The following PTPRN2 variants were observed in gnomAD, a reference collection of about 807,000 sequenced individuals.
PTPRN2 encodes protein tyrosine phosphatase receptor type N2.
Under a neutral mutation model 118.8 loss-of-function variants are expected in PTPRN2, and 74 were observed. The observed-to-expected ratio is 0.62, with a 90% CI of 0.52 to 0.76. The LOEUF is 0.76. PTPRN2 is among the 30% of genes least tolerant of loss of function. PTPRN2 has a pLI of 0.00. For synonymous variants in PTPRN2, 641 were observed against 608.0 expected (o/e 1.05, Z -0.80); for missense variants, 1,481 against 1,394.4 (o/e 1.06, Z -0.99).
chr7:158,443,267 G>T (rs1441879109), intron 2 of PTPRN2, among the ~76,000 whole-genome samples: 1 of 152,202 alleles, frequency 6.6e-6, no homozygotes. Flanking sequence ...CGGCTCCAGG[G>T]CAGCGCCAGG....
In PTPRN2 at chr7:158,565,500, G is replaced by T. The variant is rs763110150; in HGVS notation, c.112+22058C>A. Among the ~76,000 whole-genome samples, 4 of 152,136 alleles carry T rather than the reference G, an allele frequency of 2.6e-5. No homozygotes were observed. The highest frequency in any genetic ancestry group is 4.4e-5 in the Non-Finnish European group (3 of 68,018). On this transcript the variant is annotated intron_variant, in intron 1 of 22. Transcript: ENST00000389418. The surrounding 1 kb of genome is among the most constrained non-coding windows in gnomAD (Gnocchi z 4.6). Reference sequence around the variant, plus strand: ...GACGTGTCCCCAAAATAGCAGCTTTGCTCAGAATTCCAAACAGGGCCTCAG... The same window carrying T: ...GACGTGTCCCCAAAATAGCAGCTTTTCTCAGAATTCCAAACAGGGCCTCAG...
chr7:158,269,113 C>T (rs906384122), intron 3 of PTPRN2, among the ~76,000 whole-genome samples: 3 of 152,150 alleles, frequency 2.0e-5, no homozygotes, highest in South Asian at 2.1e-4. Context: ...CCTCAGGAGT[C>T]GCCACTGTTG....
chr7:158,270,761 G>A (rs1159537544), intron 3 of PTPRN2, among the ~76,000 whole-genome samples: 1 of 146,574 alleles, frequency 6.8e-6, no homozygotes, highest in Admixed American at 6.7e-5. Context: ...TCTCCACCTG[G>A]ACCACCCCGT....
chr7:157,685,396 C>T (rs898227641), intron 12 of PTPRN2, among the ~76,000 whole-genome samples: 2 of 151,434 alleles, frequency 1.3e-5, no homozygotes, highest in East Asian at 2.0e-4. Context: ...GAGGGGGCGG[C>T]GGGGCCACGG....
chr7:157,972,950 C>T lies in PTPRN2; in HGVS notation c.1724-74213G>A, dbSNP rs527244392. The stretch of plus-strand genomic sequence containing the variant: ...CAGAGACCACAGGAACTCCACACCA[C>T]GAGAGCAGGCTTCAGAGACCGTAGG... On this transcript the variant is annotated intron_variant, in intron 11 of 22. Transcript: ENST00000389418. Among the ~76,000 whole-genome samples the T allele has an allele frequency of 3.3e-5, 5 of 151,782 alleles. No individual in the cohort carries two copies. The South Asian group carries it at 6.2e-4, about 19-fold the overall frequency.
intron 10 of PTPRN2, among the ~76,000 whole-genome samples, chr7:158,094,636 T>G (rs1814481035): frequency 6.6e-6 from 1 of 152,196 alleles, no homozygotes; most frequent in Non-Finnish European, 1.5e-5. Flanking sequence ...GCAGCTTCGC[T>G]CTCATGATGC....
At chr7:157,835,651 G>A (rs112438757) in intron 12 of PTPRN2, among the ~76,000 whole-genome samples, 2,336 of 152,192 alleles carry the variant, frequency 0.015, 69 homozygotes, top group African/African-American at 0.052. Context: ...GTGCAGGGGC[G>A]AAATTAACAA....
chr7:158,140,783 C>G (rs1359496738), intron 6 of PTPRN2, among the ~76,000 whole-genome samples: 1 of 152,210 alleles, frequency 6.6e-6, no homozygotes, highest in Non-Finnish European at 1.5e-5. Flanking sequence ...CACCTGCGGT[C>G]TGCGCATCTC....
intron 1 of PTPRN2, among the ~76,000 whole-genome samples, chr7:158,492,988 C>A (rs562403799): frequency 6.6e-6 from 1 of 152,366 alleles, no homozygotes; most frequent in South Asian, 2.1e-4. Context: ...GGAAAGCCAA[C>A]AGCGGCCTGT....
intron 12 of PTPRN2, among the ~76,000 whole-genome samples, chr7:157,811,232 C>T (rs1026637260): frequency 6.7e-6 from 1 of 149,440 alleles, no homozygotes; most frequent in African/African-American, 2.5e-5. Flanking sequence ...GATCGCACCA[C>T]TATACCCCAG....
At chr7:157,601,250 T>C (rs1263994969) in intron 16 of PTPRN2, among the ~76,000 whole-genome samples, 1 of 152,208 alleles carries the variant, frequency 6.6e-6, no homozygotes, top group African/African-American at 2.4e-5. Context: ...TTCCCTGAAA[T>C]GTAATGAGGA....
chr7:158,441,195 A>G (rs542668190), intron 2 of PTPRN2, among the ~76,000 whole-genome samples: 3 of 129,586 alleles, frequency 2.3e-5, no homozygotes, highest in African/African-American at 3.1e-5. Context: ...GGTGATAGTG[A>G]TGGTGATGGT....
intron 1 of PTPRN2, among the ~76,000 whole-genome samples, chr7:158,533,364 C>T (rs1825392432): frequency 6.6e-6 from 1 of 152,242 alleles, no homozygotes; most frequent in African/African-American, 2.4e-5. Context: ...GAGCAAGAAG[C>T]TCAGAAATGG....
intron 11 of PTPRN2, among the ~76,000 whole-genome samples, chr7:157,912,855 G>T (rs559514566): frequency 6.6e-6 from 1 of 152,204 alleles, no homozygotes; most frequent in South Asian, 2.1e-4. Context: ...GTGTCTCTCC[G>T]TGCACAGATC....
At chr7:157,724,913 A>T (rs1204622621) in intron 12 of PTPRN2, among the ~76,000 whole-genome samples, 1 of 152,242 alleles carries the variant, frequency 6.6e-6, no homozygotes, top group Non-Finnish European at 1.5e-5. Flanking sequence ...CATGCATTAC[A>T]TGTTAAATGG....
intron 14 of PTPRN2, among the ~76,000 whole-genome samples, chr7:157,631,031 GCTCTTT>G (rs1803906802): frequency 6.6e-6 from 1 of 152,150 alleles, no homozygotes; most frequent in South Asian, 2.1e-4. Context: ...TTTATTCCAA[GCTCTTT>G]CTCTGAGAGT....
At chr7:157,919,266 T>G (rs1798574302) in intron 11 of PTPRN2, among the ~76,000 whole-genome samples, 1 of 152,134 alleles carries the variant, frequency 6.6e-6, no homozygotes, top group Admixed American at 6.5e-5. Flanking sequence ...AAATTAGAAA[T>G]TAATAAACAC....
At position 157,692,509 on chromosome 7, in the gene PTPRN2, G is replaced by C. The variant is rs6969747; in HGVS notation, c.1789-9572C>G. On this transcript the variant is annotated intron_variant, in intron 12 of 22. Coordinates refer to ENST00000389418, the MANE Select transcript of PTPRN2 (RefSeq NM_002847.5). ...ATGAGTACGGTGCCGTCCGCTGCAG[G>C]CCCCTGTCTAAAAGTGGCCGAAGGA... is the stretch of plus-strand genomic sequence containing the variant. Among the ~76,000 whole-genome samples, 879 of 152,342 alleles carry C rather than the reference G, an allele frequency of 5.8e-3. 8 individuals carry two copies. Among genetic ancestry groups the C allele is most frequent in the African/African-American group, 0.02 (836 of 41,578 alleles).
In PTPRN2 at chr7:157,803,599, T is replaced by C. The variant is rs772241296; in HGVS notation, c.1788+95074A>G. Among the ~76,000 whole-genome samples the C allele has an allele frequency of 5.9e-5, 9 of 152,296 alleles. No homozygotes were observed. In the South Asian group the frequency reaches 6.2e-4, roughly 11 times the overall value. ...GTCTCAGTCTTTAGCCCATGTTGAG[T>C]GGGTTTTTGTGGATGTGAGGTGAGG... On this transcript the variant is annotated intron_variant, in intron 12 of 22. Transcript: ENST00000389418.
Sources: allele counts gnomAD v4.1 joint callset (sites outside exome capture counted in the v4.1 genomes callset), GRCh38; gene constraint gnomAD v4.1.1; non-coding constraint Gnocchi (gnomAD v3.1); transcripts MANE v1.5; gene names NCBI Gene and HGNC (gene_info 2026-07-23, HGNC 2026-07-21).